SGCZ: variants seen among roughly 807,000 people sequenced by gnomAD.
SGCZ encodes the protein zeta-sarcoglycan.
In SGCZ, 40 loss-of-function variants were observed where a neutral mutation model predicts 41.3. The observed-to-expected ratio is 0.97, with a 90% CI of 0.75 to 1.26. The LOEUF (loss-of-function observed/expected upper bound fraction) is 1.26, where lower values mean the gene tolerates loss of function less well. Among genes scored for constraint, SGCZ ranks in the 50% most tolerant of loss-of-function variants. The probability of loss-of-function intolerance (pLI) is 0.00; values close to 1 mark genes in which losing one functional copy is unlikely to be tolerated. For missense variants in SGCZ, 552 were observed against 369.8 expected (o/e 1.49, Z -4.04); for synonymous variants, 206 against 137.5 (o/e 1.50, Z -3.49).
At chr8:15,198,060 A>T (rs1461984326) in intron 1 of SGCZ, among the ~76,000 whole-genome samples, 1 of 148,662 alleles carries the variant, frequency 6.7e-6, no homozygotes, top group African/African-American at 2.4e-5. Flanking sequence ...ATATTACATT[A>T]TATATGTATA....
rs190263903 is a variant in SGCZ, at chr8:15,117,652, G to A, written c.39+119933C>T. ...GTTGTGAGGATCTTGGAAGATATTT[G>A]TAAGCAACTTATATGCTACCAAATG... On this transcript the variant is annotated intron_variant, in intron 1 of 7. Transcript: ENST00000382080. 4.0e-3 allele frequency among the ~76,000 whole-genome samples: 606 copies of A among 152,146 alleles called. 3 individuals are homozygous for A. The highest frequency in any genetic ancestry group is 9.7e-3 in the Admixed American group (149 of 15,286).
chr8:14,731,043 C>A (rs573349249), intron 1 of SGCZ, among the ~76,000 whole-genome samples: 1 of 151,662 alleles, frequency 6.6e-6, no homozygotes, highest in Non-Finnish European at 1.5e-5. Context: ...AGGTATATAC[C>A]CAAAGGATGA....
At chr8:14,926,259 G>A (rs1305122421) in intron 1 of SGCZ, among the ~76,000 whole-genome samples, 2 of 151,904 alleles carry the variant, frequency 1.3e-5, no homozygotes, top group Non-Finnish European at 2.9e-5. Context: ...TATAAAATAA[G>A]CATAAAAAAT....
chr8:14,210,497 T>G (rs980192152), intron 4 of SGCZ, among the ~76,000 whole-genome samples: 1 of 151,728 alleles, frequency 6.6e-6, no homozygotes, highest in Admixed American at 6.6e-5. Context: ...AGTTTCACTC[T>G]TGTTGCCCAG....
chr8:14,453,539 A>C (rs1490357929), intron 2 of SGCZ, among the ~76,000 whole-genome samples: 16 of 152,194 alleles, frequency 1.1e-4, no homozygotes, highest in Admixed American at 1.0e-3. Context: ...GGAGAAGAAA[A>C]AGAAGCCCAA....
chr8:14,889,414 CTAAT>C (rs1272210153), intron 1 of SGCZ, among the ~76,000 whole-genome samples: 3 of 152,020 alleles, frequency 2.0e-5, no homozygotes, highest in Non-Finnish European at 4.4e-5. Flanking sequence ...AATAAAACGC[CTAAT>C]TAGATAATCC....
At chr8:14,321,390 G>A (rs1801914467) in intron 3 of SGCZ, among the ~76,000 whole-genome samples, 1 of 152,064 alleles carries the variant, frequency 6.6e-6, no homozygotes, top group South Asian at 2.1e-4. Flanking sequence ...TAGCGATGGA[G>A]AGAGGGTGAG....
At chr8:14,655,802 A>G (rs1232109073) in intron 1 of SGCZ, among the ~76,000 whole-genome samples, 1 of 152,084 alleles carries the variant, frequency 6.6e-6, no homozygotes, top group South Asian at 2.1e-4. Context: ...GCAACCAATA[A>G]TCTGTCCTCC....
At chr8:14,582,591 T>C (rs900114883) in intron 1 of SGCZ, among the ~76,000 whole-genome samples, 4 of 149,634 alleles carry the variant, frequency 2.7e-5, no homozygotes, top group Non-Finnish European at 5.9e-5. Flanking sequence ...ACATGTGCCA[T>C]GCTGGTGTGC....
chr8:14,427,786 T>A (rs1006041415), intron 2 of SGCZ, among the ~76,000 whole-genome samples: 3 of 152,112 alleles, frequency 2.0e-5, no homozygotes, highest in Non-Finnish European at 2.9e-5. Context: ...TAATTCAACT[T>A]AAACAGTAAT....
intron 1 of SGCZ, among the ~76,000 whole-genome samples, chr8:14,690,973 T>A (rs1808781657): frequency 1.3e-5 from 2 of 152,176 alleles, no homozygotes; most frequent in Non-Finnish European, 2.9e-5. Flanking sequence ...AATCAATGTG[T>A]CCAGGTGAAC....
intron 2 of SGCZ, among the ~76,000 whole-genome samples, chr8:14,432,331 T>C (rs1182243048): frequency 6.6e-6 from 1 of 152,188 alleles, no homozygotes; most frequent in Non-Finnish European, 1.5e-5. Context: ...ATACATATGA[T>C]GGAATACTAC....
At chr8:14,288,592 G>A (rs1431041972) in intron 3 of SGCZ, among the ~76,000 whole-genome samples, 2 of 152,064 alleles carry the variant, frequency 1.3e-5, no homozygotes, top group Non-Finnish European at 2.9e-5. Flanking sequence ...CATTCATGTT[G>A]AAATGCCATA....
At chr8:14,141,355 G>C (rs1803363768) in intron 5 of SGCZ, among the ~76,000 whole-genome samples, 1 of 152,142 alleles carries the variant, frequency 6.6e-6, no homozygotes, top group South Asian at 2.1e-4. Flanking sequence ...CACAGCAAAA[G>C]AAACTACCAT....
At chr8:15,168,515 G>A (rs1209602969) in intron 1 of SGCZ, among the ~76,000 whole-genome samples, 3 of 151,998 alleles carry the variant, frequency 2.0e-5, no homozygotes, top group African/African-American at 7.2e-5. Context: ...GGTACTCATG[G>A]CAGTACCTGC....
intron 4 of SGCZ, among the ~76,000 whole-genome samples, chr8:14,194,056 A>G (rs1805190070): frequency 7.1e-6 from 1 of 140,218 alleles, no homozygotes. Flanking sequence ...AACAAATAAC[A>G]TATATTTCTC....
chr8:14,501,117 G>C (rs1531420), intron 2 of SGCZ, among the ~76,000 whole-genome samples: 2 of 151,908 alleles, frequency 1.3e-5, no homozygotes, highest in Non-Finnish European at 2.9e-5. Flanking sequence ...AGGTGACCTT[G>C]CCTTTTCCAG....
chr8:14,810,104 G>A (rs1291946010), intron 1 of SGCZ, among the ~76,000 whole-genome samples: 1 of 151,896 alleles, frequency 6.6e-6, no homozygotes, highest in East Asian at 1.9e-4. Flanking sequence ...TGAAGGTAAG[G>A]AAGTAATGGC....
intron 1 of SGCZ, among the ~76,000 whole-genome samples, chr8:15,186,065 TA>T (rs961750974): frequency 3.5e-5 from 5 of 141,732 alleles, no homozygotes; most frequent in Admixed American, 1.4e-4. Flanking sequence ...TTACTAAAAA[TA>T]AAAAAAATAA....
Sources: gnomAD v4.1 joint callset for allele counts (sites outside exome capture counted in the v4.1 genomes callset) on GRCh38, gnomAD v4.1.1 for gene constraint, MANE v1.5 for transcripts, NCBI Gene and HGNC (gene_info 2026-07-23, HGNC 2026-07-21) for gene names.